REPS1: variants seen among roughly 807,000 people sequenced by gnomAD.
REPS1 encodes RALBP1 associated Eps domain containing 1, also known as ralBP1-associated Eps domain-containing protein 1.
A neutral mutation model predicts 100.9 loss-of-function variants in REPS1; 39 were observed. That is an observed-to-expected ratio of 0.39 (90% CI 0.30 to 0.50). The LOEUF (loss-of-function observed/expected upper bound fraction) is 0.50, where lower values mean the gene tolerates loss of function less well. REPS1 is among the 20% of genes least tolerant of loss of function. The pLI, the probability that REPS1 is intolerant of heterozygous loss-of-function variation, is 0.86. For missense variants in REPS1, 821 were observed against 968.5 expected (o/e 0.85, Z 2.02); for synonymous variants, 324 against 340.3 (o/e 0.95, Z 0.53).
chr6:138,907,384 T>C, intron 19 of REPS1, 111 bp downstream of exon 19: 1 of 622,400 alleles, frequency 1.6e-6, no homozygotes, highest in Non-Finnish European at 2.8e-6. Context: ...TCTAGAAAAT[T>C]AGAGAAGAGA....
chr6:138,933,085 C>CA (rs1248201192), intron 8 of REPS1, among the ~76,000 whole-genome samples: 9 of 152,078 alleles, frequency 5.9e-5, no homozygotes, highest in Admixed American at 6.5e-5. Context: ...AGTTAAAGTA[C>CA]AAAAAAATGC....
chr6:138,954,502 TA>T (rs34061496), intron 1 of REPS1, among the ~76,000 whole-genome samples: 369 of 134,602 alleles, frequency 2.7e-3, no homozygotes, highest in Non-Finnish European at 2.9e-3. Flanking sequence ...ATGATGAGCT[TA>T]AAAAAAAAAA....
chr6:138,917,639 G>A lies in REPS1; in HGVS notation c.1529-12C>T. 2 of 1,601,242 alleles carry A rather than the reference G, an allele frequency of 1.2e-6. No homozygotes were observed. Among genetic ancestry groups the A allele is most frequent in the Non-Finnish European group, 1.7e-6 (2 of 1,169,094 alleles). ...ACTGTAACCATCTGCTGATAAATGGGATATGTCCTATTTAATAATAATCAT... is the reference window on the plus strand; with the variant it reads ...ACTGTAACCATCTGCTGATAAATGGAATATGTCCTATTTAATAATAATCAT... On this transcript the variant is annotated splice_polypyrimidine_tract_variant and intron_variant, in intron 12 of 19. Transcript: ENST00000450536.
Position 138,941,335 on chromosome 6 carries a change from C to A in REPS1, c.1135G>T (p.Asp379Tyr). The A allele has an allele frequency of 6.2e-7, 1 of 1,613,834 alleles. No individual in the cohort carries two copies. Among genetic ancestry groups the A allele is most frequent in the Non-Finnish European group, 8.5e-7 (1 of 1,179,890 alleles). ...AGCTCTCTTCAGCTCCCAATCTTAC[C>A]TGCTGAATCTTCCAAATCAATCAGT... ...PKLIDLEDSA[D>Y]VGDQPGEVGY... The change falls in exon 8 of 20, where the codon GAT (aspartate) becomes TAT (tyrosine). Residue 379 changes from aspartate to tyrosine, a missense_variant and splice_region_variant. Asp to Tyr is a radical substitution (Grantham distance 160, BLOSUM62 -3). This residue lies in a region of REPS1 where 757 missense variants were observed against 866.4 expected (regional missense o/e 0.87). Coordinates refer to ENST00000450536, the MANE Select transcript of REPS1 (RefSeq NM_001286611.2).
chr6:138,938,864 T>C (rs929178120), intron 8 of REPS1, among the ~76,000 whole-genome samples: 2 of 151,938 alleles, frequency 1.3e-5, no homozygotes, highest in African/African-American at 4.8e-5. Context: ...TTTTTTTTTT[T>C]TTAGATGGAG....
intron 17 of REPS1, 162 bp downstream of exon 17, chr6:138,911,114 A>G (rs565788029): frequency 1.8e-6 from 1 of 562,662 alleles, no homozygotes; most frequent in Admixed American, 3.1e-5. Flanking sequence ...ACAGAATATC[A>G]TCTCCATTAA....
intron 15 of REPS1, among the ~76,000 whole-genome samples, chr6:138,914,431 C>G (rs773654741): frequency 6.6e-5 from 10 of 152,322 alleles, no homozygotes; most frequent in Non-Finnish European, 1.2e-4. Flanking sequence ...TATTTCCTAT[C>G]TCCCAATCCA....
intron 1 of REPS1, among the ~76,000 whole-genome samples, chr6:138,982,490 T>C (rs1349171684): frequency 6.6e-6 from 1 of 152,258 alleles, no homozygotes; most frequent in Non-Finnish European, 1.5e-5. Context: ...CAGAAGCTTT[T>C]GGTAAAAGCT....
At chr6:138,945,723 T>C (rs1782570378) in intron 2 of REPS1, 26 bp from the exon 3 acceptor site, 1 of 1,489,788 alleles carries the variant, frequency 6.7e-7, no homozygotes, top group Non-Finnish European at 9.0e-7. Flanking sequence ...TAATCATTAC[T>C]TCAAAATAAA....
chr6:138,916,307 G>A (rs1143203), intron 13 of REPS1: 81,218 of 215,818 alleles, frequency 0.38, 17,299 homozygotes, highest in Admixed American at 0.53. Flanking sequence ...TGCAACCTCC[G>A]CCTCCTGGGT....
intron 1 of REPS1, among the ~76,000 whole-genome samples, chr6:138,956,783 T>C (rs112217590): frequency 2.6e-5 from 4 of 151,724 alleles, no homozygotes; most frequent in South Asian, 2.1e-4. Flanking sequence ...GCCTATAAAG[T>C]TGAAGAGGAC....
chr6:138,988,172 G>A lies in REPS1; in HGVS notation c.-490C>T, dbSNP rs1403923547. On this transcript the variant is annotated 5_prime_UTR_variant, in exon 1 of 20. Transcript: ENST00000450536. Reference sequence around the variant, plus strand: ...CCTAAAGTTTCGGGGGATCTGGGCTGAGCGTGGCCGCCGCTCCGCCTCCCT... The same window carrying A: ...CCTAAAGTTTCGGGGGATCTGGGCTAAGCGTGGCCGCCGCTCCGCCTCCCT... 5.0e-6 allele frequency: 2 copies of A among 398,438 alleles called. No individual in the cohort carries two copies. The highest frequency in any genetic ancestry group is 2.5e-4 in the South Asian group (2 of 7,864). The allele number at this position is 398,438 out of a possible 1,614,324, so 24.7% of individuals were successfully genotyped here. A position where few individuals can be genotyped will look rare whatever the true frequency, so the allele number is the denominator to read the frequency against.
At chr6:138,944,115 T>G in intron 5 of REPS1, 100 bp from the exon 6 acceptor site, 3 of 1,097,592 alleles carry the variant, frequency 2.7e-6, no homozygotes, top group Non-Finnish European at 4.0e-6. Context: ...ACTTGCTTTT[T>G]GTGTATATTT....
chr6:138,962,267 A>C (rs564821317), intron 1 of REPS1, among the ~76,000 whole-genome samples: 26 of 152,278 alleles, frequency 1.7e-4, no homozygotes, highest in Middle Eastern at 3.4e-3. Context: ...TTCATGAAAG[A>C]TAATCTTACA....
chr6:138,980,630 A>G (rs1238835851), intron 1 of REPS1, among the ~76,000 whole-genome samples: 5 of 118,922 alleles, frequency 4.2e-5, no homozygotes, highest in Non-Finnish European at 8.1e-5. Flanking sequence ...CTACCACCCA[A>G]TGATTCTCTA....
At chr6:138,907,312 A>AGTGTGTGTGTG (rs1779717554) in intron 19 of REPS1, 183 bp downstream of exon 19, 60 of 105,676 alleles carry the variant, frequency 5.7e-4, no homozygotes, top group South Asian at 1.3e-3. Context: ...AAAAAAAAAA[A>AGTGTGTGTGTG]AGTGTGTGTG....
intron 9 of REPS1, chr6:138,926,778 T>C (rs1781154762): frequency 4.8e-6 from 1 of 210,122 alleles, no homozygotes; most frequent in Non-Finnish European, 9.5e-6. Context: ...AAAGTCTAAG[T>C]GATATAAATG....
intron 1 of REPS1, among the ~76,000 whole-genome samples, chr6:138,980,696 G>GGGC (rs1562571036): frequency 7.6e-6 from 1 of 131,390 alleles, no homozygotes; most frequent in East Asian, 2.3e-4. Context: ...GGGGGGGGGG[G>GGGC]GGAACGGAGA....
chr6:138,954,066 T>C (rs1467235011), intron 1 of REPS1, among the ~76,000 whole-genome samples: 1 of 151,988 alleles, frequency 6.6e-6, no homozygotes, highest in Non-Finnish European at 1.5e-5. Flanking sequence ...TGGACGACAT[T>C]GTGTTAGGTG....
Sources: allele counts gnomAD v4.1 joint callset (sites outside exome capture counted in the v4.1 genomes callset), GRCh38; gene constraint gnomAD v4.1.1; regional missense constraint gnomAD v4.1.1; transcripts MANE v1.5; gene names NCBI Gene and HGNC (gene_info 2026-07-23, HGNC 2026-07-21).